Variants in TET1 observed in about 807,000 individuals in gnomAD.
The protein encoded by TET1 is methylcytosine dioxygenase TET1.
In TET1, 13 loss-of-function variants were observed where a neutral mutation model predicts 148.7. That is an observed-to-expected ratio of 0.09 (90% confidence interval 0.06 to 0.14). TET1 has a LOEUF of 0.14. Ranked by LOEUF, TET1 falls within the 10% of genes least tolerant of loss-of-function variation. TET1 has a pLI of 1.00. For missense variants in TET1, 2,182 were observed against 2,553.8 expected (o/e 0.85, Z 3.14); for synonymous variants, 907 against 937.2 (o/e 0.97, Z 0.59).
At chr10:68,656,349 G>T (rs1316222743) in intron 6 of TET1, among the ~76,000 whole-genome samples, 2 of 152,152 alleles carry the variant, frequency 1.3e-5, no homozygotes, top group Middle Eastern at 6.8e-3. Flanking sequence ...TGCAAGCTCC[G>T]CCTCCTGGGT....
chr10:68,645,488 A>T lies in TET1; in HGVS notation c.2759A>T (p.Glu920Val). The T allele has an allele frequency of 6.2e-7, 1 of 1,613,936 alleles. No homozygotes were observed. Among genetic ancestry groups the T allele is most frequent in the Non-Finnish European group, 8.5e-7 (1 of 1,180,052 alleles). ...PSKSEKDEES[E>V]QRTASLLNSC... Reference sequence around the variant, plus strand: ...AAGTCAGAGAAGGATGAGGAATCAGAGCAGAGAACAGCCAGTTTGCTTAAT... The same window carrying T: ...AAGTCAGAGAAGGATGAGGAATCAGTGCAGAGAACAGCCAGTTTGCTTAAT... The change falls in exon 4 of 12, where the codon GAG (glutamate) becomes GTG (valine). Residue 920 changes from glutamate to valine, a missense_variant. Transcript: ENST00000373644.
At chr10:68,569,396 G>A (rs926929767) in intron 1 of TET1, among the ~76,000 whole-genome samples, 8 of 151,630 alleles carry the variant, frequency 5.3e-5, no homozygotes, top group African/African-American at 1.7e-4. Context: ...GGATGGTCTC[G>A]ATCTCCTGAC....
intron 8 of TET1, among the ~76,000 whole-genome samples, chr10:68,677,740 C>A (rs1564507159): frequency 6.6e-6 from 1 of 151,764 alleles, no homozygotes; most frequent in Non-Finnish European, 1.5e-5. Context: ...CCTGCCTCAG[C>A]CTCCCAAGTA....
rs1027258693 is a variant in TET1 at position 68,693,750 on chromosome 10, A to T, written c.*1936A>T. ...ATTGTTTATTGCTTCAGCTGCTTCA[A>T]CAAGATATTTACTAGTATTAGACTA... is the stretch of plus-strand genomic sequence containing the variant. On this transcript the variant is annotated 3_prime_UTR_variant, in exon 12 of 12. Coordinates refer to ENST00000373644, the MANE Select transcript of TET1 (RefSeq NM_030625.3). The T allele has an allele frequency of 4.3e-6, 1 of 231,522 alleles. No homozygotes were observed. The highest frequency in any genetic ancestry group is 2.2e-5 in the African/African-American group (1 of 45,280). The allele number at this position is 231,522 out of a possible 1,614,324, so 14.3% of individuals were successfully genotyped here. A position where few individuals can be genotyped will look rare whatever the true frequency, so the allele number is the denominator to read the frequency against.
chr10:68,636,205 C>T (rs2054648014), intron 3 of TET1, among the ~76,000 whole-genome samples: 1 of 152,160 alleles, frequency 6.6e-6, no homozygotes, highest in South Asian at 2.1e-4. Flanking sequence ...GCCAGGAATA[C>T]TTGTGAACAG....
intron 1 of TET1, among the ~76,000 whole-genome samples, chr10:68,563,255 T>C (rs963169145): frequency 6.6e-6 from 1 of 152,232 alleles, no homozygotes; most frequent in Admixed American, 6.5e-5. Flanking sequence ...GAACAGCTTT[T>C]ACATGTGCCG....
At chr10:68,577,557 C>G (rs1203151684) in intron 2 of TET1, among the ~76,000 whole-genome samples, 1 of 151,750 alleles carries the variant, frequency 6.6e-6, no homozygotes, top group Non-Finnish European at 1.5e-5. Context: ...CCTAGAATCC[C>G]AGAACTTTGG....
At chr10:68,624,698 T>TCTCTCTCTC (rs2054447463) in intron 3 of TET1, among the ~76,000 whole-genome samples, 1 of 119,162 alleles carries the variant, frequency 8.4e-6, no homozygotes, top group African/African-American at 3.3e-5. Context: ...CTCTCTCTCT[T>TCTCTCTCTC]TCTTTCTTTT....
intron 3 of TET1, among the ~76,000 whole-genome samples, chr10:68,619,775 G>A (rs1383460957): frequency 6.6e-6 from 1 of 152,122 alleles, no homozygotes; most frequent in African/African-American, 2.4e-5. Context: ...ATTAGTTTTT[G>A]AAGTGCATTT....
chr10:68,597,029 G>GTTTTTTTTTTTTTTTTTTTTT (rs1446597252), intron 2 of TET1, among the ~76,000 whole-genome samples: 1 of 90,322 alleles, frequency 1.1e-5, no homozygotes, highest in Non-Finnish European at 2.2e-5. Context: ...ACAGCTAATG[G>GTTTTTTTTTTTTTTTTTTTTT]ATTTTTTTTT....
intron 4 of TET1, among the ~76,000 whole-genome samples, chr10:68,649,425 T>C (rs891765438): frequency 2.5e-4 from 38 of 152,146 alleles, no homozygotes; most frequent in African/African-American, 9.2e-4. Context: ...GCTAACACGG[T>C]GAAACCCCGT....
chr10:68,634,762 T>TTTTG (rs1176878905), intron 3 of TET1, among the ~76,000 whole-genome samples: 5 of 152,044 alleles, frequency 3.3e-5, no homozygotes, highest in African/African-American at 9.7e-5. Context: ...AAATGTTCTT[T>TTTTG]TTTGTTTGTT....
chr10:68,613,963 TTAAAG>T (rs2132937054), intron 3 of TET1, among the ~76,000 whole-genome samples: 1 of 151,978 alleles, frequency 6.6e-6, no homozygotes, highest in South Asian at 2.1e-4. Flanking sequence ...AAATTGCTGT[TTAAAG>T]TATTTTGGTG....
At chr10:68,585,089 C>T (rs1265022528) in intron 2 of TET1, among the ~76,000 whole-genome samples, 2 of 152,164 alleles carry the variant, frequency 1.3e-5, no homozygotes, top group South Asian at 2.1e-4. Context: ...ACTGAATCCT[C>T]TGCCTCCCGG....
At chr10:68,686,978 C>T (rs1271588219) in intron 11 of TET1, among the ~76,000 whole-genome samples, 1 of 151,532 alleles carries the variant, frequency 6.6e-6, no homozygotes, top group Non-Finnish European at 1.5e-5. Flanking sequence ...AGCTCTGCCT[C>T]CTGGGTTCAC....
At chr10:68,599,492 C>T (rs1336189933) in intron 2 of TET1, among the ~76,000 whole-genome samples, 1 of 152,230 alleles carries the variant, frequency 6.6e-6, no homozygotes, top group African/African-American at 2.4e-5. Context: ...GGCACGGCTC[C>T]CGGTCCAGTC....
chr10:68,622,106 G>T (rs1419979343), intron 3 of TET1, among the ~76,000 whole-genome samples: 3 of 151,954 alleles, frequency 2.0e-5, no homozygotes, highest in Non-Finnish European at 4.4e-5. Flanking sequence ...CTCAAATTTG[G>T]CCAATATTCC....
At chr10:68,614,027 C>T (rs1232835886) in intron 3 of TET1, among the ~76,000 whole-genome samples, 1 of 152,030 alleles carries the variant, frequency 6.6e-6, no homozygotes. Context: ...GAAGCTATTT[C>T]AATGTTAATT....
chr10:68,658,636 A>G (rs936738718), intron 6 of TET1, among the ~76,000 whole-genome samples: 1 of 152,084 alleles, frequency 6.6e-6, no homozygotes, highest in Non-Finnish European at 1.5e-5. Context: ...CTCTCACATA[A>G]TTATAGTCTT....
Sources: gnomAD v4.1 joint callset for allele counts (sites outside exome capture counted in the v4.1 genomes callset) on GRCh38, gnomAD v4.1.1 for gene constraint, MANE v1.5 for transcripts, NCBI Gene and HGNC (gene_info 2026-07-23, HGNC 2026-07-21) for gene names.